The following SGCD variants were observed in gnomAD, a reference collection of about 807,000 sequenced individuals.
The protein encoded by SGCD is delta-sarcoglycan.
In SGCD, 18 loss-of-function variants were observed where a neutral mutation model predicts 36.6. The ratio of observed to expected loss-of-function variants is 0.49; its 90% CI spans 0.34 to 0.73. The LOEUF is 0.73. Among genes scored for constraint, SGCD ranks in the 30% least tolerant of loss-of-function variants. The pLI is 0.01. For missense variants in SGCD, 387 were observed against 346.7 expected, an observed-to-expected ratio of 1.12 and a Z score of -0.92; for synonymous variants, 133 against 130.6, an observed-to-expected ratio of 1.02 and a Z score of -0.12.
rs117393505 is a variant in SGCD, at chr5:156,251,001, T to G, written c.-43-78533T>G. On this transcript the variant is annotated intron_variant, in intron 3 of 9. Transcript: ENST00000517913. The stretch of plus-strand genomic sequence containing the variant: ...TTGCTTTAGTTTATTGAATTTAACT[T>G]AATTTTATGATGTGCCAAATTATTC... Among the ~76,000 whole-genome samples the G allele has an allele frequency of 2.1e-3, 318 of 152,364 alleles. 9 individuals carry two copies. In the East Asian group the frequency reaches 0.052, roughly 25 times the overall value.
chr5:155,906,476 T>C (rs1271349924), intron 1 of SGCD, among the ~76,000 whole-genome samples: 1 of 152,122 alleles, frequency 6.6e-6, no homozygotes, highest in African/African-American at 2.4e-5. Context: ...AGCCAAGTTG[T>C]AAATGCAAAA....
At chr5:156,571,911 T>A (rs1191954984) in intron 4 of SGCD, among the ~76,000 whole-genome samples, 3 of 152,216 alleles carry the variant, frequency 2.0e-5, no homozygotes, top group African/African-American at 7.2e-5. Flanking sequence ...CAGCAATCAC[T>A]TTTATCTCTT....
chr5:156,389,214 G>C lies in SGCD; in HGVS notation c.192+44537G>C, dbSNP rs561247692. Among the ~76,000 whole-genome samples the C allele has an allele frequency of 2.6e-4, 39 of 152,260 alleles. No individual in the cohort carries two copies. In the Middle Eastern group the frequency reaches 0.01, roughly 40 times the overall value. On this transcript the variant is annotated intron_variant, in intron 3 of 8. Coordinates refer to ENST00000337851, the MANE Select transcript of SGCD (RefSeq NM_000337.6). The stretch of plus-strand genomic sequence containing the variant: ...GGGGGCAACCAGAACCTTAACAATT[G>C]TATATTTCTGCAAGATATATCCCTA...
intron 3 of SGCD, among the ~76,000 whole-genome samples, chr5:156,435,205 A>G (rs2127790826): frequency 6.6e-6 from 1 of 152,336 alleles, no homozygotes. Context: ...ATTTACAAGA[A>G]GAAAATGAGG....
intron 3 of SGCD, among the ~76,000 whole-genome samples, chr5:156,465,427 A>C (rs922234272): frequency 1.3e-5 from 2 of 152,172 alleles, no homozygotes; most frequent in Non-Finnish European, 2.9e-5. Flanking sequence ...ATCTTTAGGC[A>C]ACGTTCTACA....
intron 6 of SGCD, among the ~76,000 whole-genome samples, chr5:156,619,003 G>T (rs944174844): frequency 6.6e-6 from 1 of 151,310 alleles, no homozygotes; most frequent in Admixed American, 6.6e-5. Context: ...CTGTGTGGCC[G>T]CTTTGAAGAG....
intron 1 of SGCD, among the ~76,000 whole-genome samples, chr5:155,965,053 G>T (rs966699981): frequency 1.3e-5 from 2 of 152,056 alleles, no homozygotes; most frequent in Admixed American, 1.3e-4. Context: ...GACTATTGAA[G>T]ACAACTTTCA....
chr5:156,502,574 A>G (rs1351830686), intron 3 of SGCD, among the ~76,000 whole-genome samples: 1 of 152,150 alleles, frequency 6.6e-6, no homozygotes, highest in Non-Finnish European at 1.5e-5. Flanking sequence ...GCCTCAAGAA[A>G]TCTTCCTGCC....
the SGCD span, among the ~76,000 whole-genome samples, chr5:155,793,005 G>A: frequency 6.6e-6 from 1 of 152,108 alleles, no homozygotes; most frequent in African/African-American, 2.4e-5. Flanking sequence ...ATCAACCTAG[G>A]TGCCCATCAG....
At chr5:156,759,028 C>T (rs1011811546) in intron 8 of SGCD, among the ~76,000 whole-genome samples, 189 bp from the exon 9 acceptor site, 1 of 152,210 alleles carries the variant, frequency 6.6e-6, no homozygotes, top group Non-Finnish European at 1.5e-5. Context: ...TTGCTAGAAT[C>T]TAAGCTTCTG....
intron 3 of SGCD, among the ~76,000 whole-genome samples, chr5:156,291,140 C>G (rs183915498): frequency 6.6e-6 from 1 of 152,178 alleles, no homozygotes; most frequent in African/African-American, 2.4e-5. Flanking sequence ...TCAGTGGGTA[C>G]AAACATACAG....
chr5:156,700,608 C>A (rs1042751674), intron 7 of SGCD, among the ~76,000 whole-genome samples: 1 of 151,984 alleles, frequency 6.6e-6, no homozygotes, highest in Non-Finnish European at 1.5e-5. Context: ...ACTTTTCCCC[C>A]AGATCATTAC....
At chr5:156,452,239 C>T (rs953796386) in intron 3 of SGCD, among the ~76,000 whole-genome samples, 1 of 152,128 alleles carries the variant, frequency 6.6e-6, no homozygotes, top group South Asian at 2.1e-4. Flanking sequence ...ATTTTTCATC[C>T]TCATTGCAGA....
chr5:156,528,672 G>A (rs1366272909), intron 4 of SGCD, among the ~76,000 whole-genome samples: 1 of 152,206 alleles, frequency 6.6e-6, no homozygotes, highest in Non-Finnish European at 1.5e-5. Flanking sequence ...ACTTTAGGTG[G>A]AAGAGCTAAG....
At chr5:156,695,316 GCAT>G (rs1198825747) in intron 7 of SGCD, among the ~76,000 whole-genome samples, 6 of 152,010 alleles carry the variant, frequency 3.9e-5, no homozygotes, top group Admixed American at 6.6e-5. Context: ...ATGTGAGTGG[GCAT>G]CATCCAATCA....
chr5:156,614,971 T>C (rs1161816455), intron 6 of SGCD, among the ~76,000 whole-genome samples: 2 of 152,212 alleles, frequency 1.3e-5, no homozygotes, highest in African/African-American at 2.4e-5. Context: ...CACCCCCGGT[T>C]TTTCCATGTT....
intron 4 of SGCD, among the ~76,000 whole-genome samples, chr5:156,586,056 C>T (rs1346852969): frequency 7.3e-6 from 1 of 137,418 alleles, no homozygotes; most frequent in Non-Finnish European, 1.5e-5. Flanking sequence ...ATTTTGATTA[C>T]TTTGGTGTTT....
Position 156,128,446 on chromosome 5 carries a change from A to G in SGCD, c.-44+4427A>G, listed in dbSNP as rs114025584. ...CATTTTCTTTATAACTTTAATTATAATAACTCAATCCTGAAAACAACTCAG... is the reference window on the plus strand; with the variant it reads ...CATTTTCTTTATAACTTTAATTATAGTAACTCAATCCTGAAAACAACTCAG... On this transcript the variant is annotated intron_variant, in intron 3 of 9. Transcript: ENST00000517913. Among the ~76,000 whole-genome samples, 705 of 152,154 alleles carry G rather than the reference A, an allele frequency of 4.6e-3. 4 individuals are homozygous for G. Among genetic ancestry groups the G allele is most frequent in the African/African-American group, 0.013 (525 of 41,444 alleles).
chr5:156,073,001 T>C (rs1037051843), intron 1 of SGCD, among the ~76,000 whole-genome samples: 2 of 152,202 alleles, frequency 1.3e-5, no homozygotes, highest in Non-Finnish European at 2.9e-5. Flanking sequence ...TAAGCACTTC[T>C]CTCTATTGGT....
Sources: allele counts gnomAD v4.1 joint callset (sites outside exome capture counted in the v4.1 genomes callset), GRCh38; gene constraint gnomAD v4.1.1; transcripts MANE v1.5; gene names NCBI Gene and HGNC (gene_info 2026-07-23, HGNC 2026-07-21).